Variants in KDM3B observed in about 807,000 individuals in gnomAD.
KDM3B encodes the protein lysine demethylase 3B.
Under a neutral mutation model 170.0 loss-of-function variants are expected in KDM3B, and 10 were observed. The ratio of observed to expected loss-of-function variants is 0.06; its 90% CI spans 0.04 to 0.10. KDM3B has a LOEUF of 0.10. KDM3B is among the 10% of genes least tolerant of loss of function. KDM3B has a pLI of 1.00. For synonymous variants in KDM3B, 831 were observed against 834.8 expected, an observed-to-expected ratio of 1.00 and a Z score of 0.08; for missense variants, 1,394 against 2,195.2, an observed-to-expected ratio of 0.64 and a Z score of 7.29.
intron 4 of KDM3B, 53 bp downstream of exon 4, chr5:138,377,878 TGTTG>T: frequency 1.2e-5 from 16 of 1,322,378 alleles, no homozygotes; most frequent in Non-Finnish European, 1.6e-5. Context: ...GAATGATCAC[TGTTG>T]AGTGATAGTA....
chr5:138,423,997 A>G, intron 15 of KDM3B, 78 bp from the exon 16 acceptor site: 1 of 1,421,522 alleles, frequency 7.0e-7, no homozygotes, highest in Non-Finnish European at 9.4e-7. Context: ...CCTTGTGAAT[A>G]CAATTGTGAG....
chr5:138,428,077 C>A lies in KDM3B; in HGVS notation c.4744C>A (p.His1582Asn), dbSNP rs1763439629. 1.2e-6 allele frequency: 2 copies of A among 1,613,678 alleles called. No individual in the cohort carries two copies. The highest frequency in any genetic ancestry group is 1.7e-6 in the Non-Finnish European group (2 of 1,179,822). ...YVGIPIGEGA[H>N]DEEVLKTIDE... ...TGGGATTCCCATCGGGGAGGGTGCT[C>A]ATGATGAAGGTATGCTTTCTAGAAT... is the stretch of plus-strand genomic sequence containing the variant. Residue 1582 changes from histidine (H) to asparagine (N), a missense_variant, in exon 20 of 24, where the codon CAT becomes AAT. His to Asn is a moderately conservative substitution (Grantham distance 68). Coordinates refer to ENST00000314358, the MANE Select transcript of KDM3B (RefSeq NM_016604.4).
intron 3 of KDM3B, 114 bp downstream of exon 3, chr5:138,375,320 T>C: frequency 2.3e-6 from 1 of 438,754 alleles, no homozygotes; most frequent in Non-Finnish European, 4.1e-6. Context: ...TTAGCATTTC[T>C]TTTATTACTT....
chr5:138,398,231 A>T lies in KDM3B; in HGVS notation c.2885A>T (p.Gln962Leu). 6.2e-7 allele frequency: 1 copy of T among 1,614,164 alleles called. No homozygotes were observed. Among genetic ancestry groups the T allele is most frequent in the South Asian group, 1.1e-5 (1 of 91,084 alleles). Residue 962 changes from glutamine (Q) to leucine (L), a missense_variant, in exon 10 of 24, where the codon CAG becomes CTG. Gln to Leu is a moderately radical substitution (Grantham distance 113). Around this residue, in one of 19 missense-constraint regions of KDM3B, gnomAD observed 76 missense variants for 190.2 expected, o/e 0.40. Transcript: ENST00000314358. ...CGTGTGGAGGGGTTTTTAAGCCCCC[A>T]GCAAAGTGACCCTGATGCCATGAAC... ...VLRVEGFLSP[Q>L]QSDPDAMNLW... is the part of the protein sequence containing the mutation.
intron 11 of KDM3B, among the ~76,000 whole-genome samples, chr5:138,401,751 A>G (rs1206163277): frequency 6.6e-6 from 1 of 152,194 alleles, no homozygotes; most frequent in Non-Finnish European, 1.5e-5. Flanking sequence ...CCAGTAATGT[A>G]TGAGGGAATT....
rs748112964 is a variant in KDM3B, at chr5:138,377,792, A to C, written c.547A>C (p.Ser183Arg). 6.2e-7 allele frequency: 1 copy of C among 1,613,938 alleles called. No individual in the cohort carries two copies. Among genetic ancestry groups the C allele is most frequent in the Admixed American group, 1.7e-5 (1 of 60,020 alleles). The change falls in exon 4 of 24, where the codon AGT (serine) becomes CGT (arginine). Residue 183 changes from serine to arginine, a missense_variant. Ser to Arg is a moderately radical substitution (Grantham distance 110). Coordinates refer to ENST00000314358, the MANE Select transcript of KDM3B (RefSeq NM_016604.4). ...ALRETVNALI[S>R]DQKLQEIFSR... The stretch of plus-strand genomic sequence containing the variant: ...GAGAGAAACAGTTAATGCTTTGATC[A>C]GTGACCAAAAGCTACAAGAGATATT...
At chr5:138,415,375 C>G (rs1328101393) in intron 12 of KDM3B, 136 bp downstream of exon 12, 6 of 532,752 alleles carry the variant, frequency 1.1e-5, no homozygotes. Context: ...GAATTTGGAT[C>G]TTTATTATTA....
At chr5:138,418,449 C>G (rs1182378888) in intron 13 of KDM3B, among the ~76,000 whole-genome samples, 1 of 152,150 alleles carries the variant, frequency 6.6e-6, no homozygotes, top group African/African-American at 2.4e-5. Context: ...ACTGCTACAA[C>G]ACATCGTTGA....
intron 11 of KDM3B, among the ~76,000 whole-genome samples, chr5:138,410,591 A>G (rs1762939389): frequency 6.6e-6 from 1 of 152,136 alleles, no homozygotes; most frequent in Non-Finnish European, 1.5e-5. Flanking sequence ...CACAAGACAG[A>G]GATAGAAGAA....
At chr5:138,355,954 C>CT (rs200539076) in intron 1 of KDM3B, among the ~76,000 whole-genome samples, 3,196 of 152,262 alleles carry the variant, frequency 0.021, 53 homozygotes, top group Non-Finnish European at 0.031. Flanking sequence ...AGAGTTCCCT[C>CT]TTTTTTTAGC....
In KDM3B at chr5:138,379,574, T is replaced by C. The variant is rs1258906189; in HGVS notation, c.581-10T>C. On this transcript the variant is annotated splice_polypyrimidine_tract_variant and intron_variant, in intron 4 of 23. Transcript: ENST00000314358. The stretch of plus-strand genomic sequence containing the variant: ...CAAAAATACTCAATACTGACTGATC[T>C]CCCTTTTAGGTCCCTACAGTGTTCA... 1 of 1,605,562 alleles carries C rather than the reference T, an allele frequency of 6.2e-7. No individual in the cohort carries two copies.
intron 6 of KDM3B, among the ~76,000 whole-genome samples, chr5:138,382,837 G>C (rs1250131321): frequency 6.6e-6 from 1 of 152,150 alleles, no homozygotes; most frequent in East Asian, 1.9e-4. Context: ...AACAGGGTAA[G>C]TCTCTTGACT....
At chr5:138,403,668 A>G (rs1762744113) in intron 11 of KDM3B, among the ~76,000 whole-genome samples, 1 of 131,392 alleles carries the variant, frequency 7.6e-6, no homozygotes, top group African/African-American at 2.9e-5. Flanking sequence ...CAAGAGCGAA[A>G]CTCTGTCTCA....
At chr5:138,420,572 C>T (rs775346223) in intron 14 of KDM3B, 134 bp from the exon 15 acceptor site, 29 of 949,704 alleles carry the variant, frequency 3.1e-5, no homozygotes, top group Middle Eastern at 2.8e-4. Flanking sequence ...CCCAAACAAA[C>T]CATACACAGT....
At chr5:138,382,974 A>T (rs1762163020) in intron 6 of KDM3B, among the ~76,000 whole-genome samples, 1 of 152,074 alleles carries the variant, frequency 6.6e-6, no homozygotes, top group South Asian at 2.1e-4. Context: ...GGCCAAATAG[A>T]ACTGGGGAGT....
intron 11 of KDM3B, among the ~76,000 whole-genome samples, chr5:138,406,488 A>G (rs1762824984): frequency 2.0e-5 from 3 of 152,178 alleles, no homozygotes; most frequent in African/African-American, 7.2e-5. Flanking sequence ...TACTAAAAAT[A>G]CAAACAAAAT....
chr5:138,386,781 T>G, intron 7 of KDM3B, among the ~76,000 whole-genome samples, 160 bp downstream of exon 7: 1 of 152,176 alleles, frequency 6.6e-6, no homozygotes. Flanking sequence ...ACTGGGCAAA[T>G]GTGTATAGTT....
Position 138,352,778 on chromosome 5 carries a change from G to C in KDM3B, c.-18G>C. 8.1e-7 allele frequency: 1 copy of C among 1,235,280 alleles called. No homozygotes were observed. Among genetic ancestry groups the C allele is most frequent in the Non-Finnish European group, 1.0e-6 (1 of 991,696 alleles). The allele number at this position is 1,235,280 out of a possible 1,614,324, so 76.5% of individuals were successfully genotyped here. On this transcript the variant is annotated 5_prime_UTR_variant, in exon 1 of 24. Coordinates refer to ENST00000314358, the MANE Select transcript of KDM3B (RefSeq NM_016604.4). ...TGGGAGGCGGCGGGCGGGAGCGCGG[G>C]TCAGGCCGGCCCCGGCGATGGCGGA...
intron 13 of KDM3B, among the ~76,000 whole-genome samples, chr5:138,418,740 A>G (rs1763173916): frequency 6.6e-6 from 1 of 152,218 alleles, no homozygotes; most frequent in Non-Finnish European, 1.5e-5. Context: ...ACAAACTTCA[A>G]GCCTTGTTCA....
Sources: allele counts gnomAD v4.1 joint callset (sites outside exome capture counted in the v4.1 genomes callset), GRCh38; gene constraint gnomAD v4.1.1; regional missense constraint gnomAD v4.1.1; transcripts MANE v1.5; gene names NCBI Gene and HGNC (gene_info 2026-07-23, HGNC 2026-07-21).